NCOA1: variants seen among roughly 807,000 people sequenced by gnomAD.
NCOA1 encodes Hin-2 protein.
NCOA1 carries 35 observed loss-of-function variants against 150.9 expected under a neutral mutation model. The ratio of observed to expected loss-of-function variants is 0.23; its 90% CI spans 0.18 to 0.31. NCOA1 has a LOEUF of 0.31. Among genes scored for constraint, NCOA1 ranks in the 10% least tolerant of loss-of-function variants. The pLI, the probability that NCOA1 is intolerant of heterozygous loss-of-function variation, is 1.00. For missense variants in NCOA1, 1,491 were observed against 1,749.3 expected (o/e 0.85, Z 2.63); for synonymous variants, 590 against 630.0 (o/e 0.94, Z 0.95).
chr2:24,715,266 G>A (rs1486992823), intron 14 of NCOA1, among the ~76,000 whole-genome samples: 1 of 152,188 alleles, frequency 6.6e-6, no homozygotes, highest in Non-Finnish European at 1.5e-5. Flanking sequence ...TTTCTCATTT[G>A]TTAGTTTCTT....
intron 2 of NCOA1, among the ~76,000 whole-genome samples, chr2:24,575,203 T>C (rs951611370): frequency 1.3e-5 from 2 of 152,176 alleles, no homozygotes; most frequent in African/African-American, 4.8e-5. Flanking sequence ...GTGCTTCATT[T>C]TGGAAATCTT....
Position 24,548,229 on chromosome 2 carries a change from C to CA in NCOA1, c.-395-16065dup, listed in dbSNP as rs1161822816. 5.9e-5 allele frequency among the ~76,000 whole-genome samples: 9 copies of CA among 152,238 alleles called. No individual in the cohort carries two copies. The East Asian group carries it at 1.7e-3, about 29-fold the overall frequency. On this transcript the variant is annotated intron_variant, in intron 1 of 22. Transcript: ENST00000348332. ...TCATGGTGGAAGGGGAGGAGCAAGT[C>CA]ACGTCTTACATGGATGGCAGAAGGC...
intron 3 of NCOA1, among the ~76,000 whole-genome samples, chr2:24,629,813 C>T (rs12615700): frequency 0.026 from 2,032 of 77,176 alleles, 35 homozygotes; most frequent in East Asian, 0.088. Context: ...AAGTAACATA[C>T]ATACATATAT....
chr2:24,498,343 A>G (rs1328876178), intron 1 of NCOA1, among the ~76,000 whole-genome samples: 1 of 152,232 alleles, frequency 6.6e-6, no homozygotes, highest in Non-Finnish European at 1.5e-5. Context: ...GATAAAATAT[A>G]GATCCTGTTC....
In NCOA1 at chr2:24,644,532, C is replaced by T. The variant is rs79197224; in HGVS notation, c.-18+410C>T. Among the ~76,000 whole-genome samples, 331 of 151,044 alleles carry T rather than the reference C, an allele frequency of 2.2e-3. 2 individuals are homozygous for T. Among genetic ancestry groups the T allele is most frequent in the Non-Finnish European group, 3.4e-3 (231 of 67,704 alleles). Reference sequence around the variant, plus strand: ...AATATATAGGTAATTGTAGGTATACCCATATAATATATACCTATGTAATTT... The same window carrying T: ...AATATATAGGTAATTGTAGGTATACTCATATAATATATACCTATGTAATTT... On this transcript the variant is annotated intron_variant, in intron 4 of 22. Coordinates refer to ENST00000348332, the MANE Select transcript of NCOA1 (RefSeq NM_003743.5).
intron 3 of NCOA1, among the ~76,000 whole-genome samples, chr2:24,585,716 A>G (rs558966302): frequency 6.6e-6 from 1 of 152,298 alleles, no homozygotes; most frequent in Non-Finnish European, 1.5e-5. Flanking sequence ...ATTTTTACCA[A>G]GATTTCAAAG....
chr2:24,679,477 T>C, intron 7 of NCOA1, among the ~76,000 whole-genome samples: 1 of 152,220 alleles, frequency 6.6e-6, no homozygotes, highest in East Asian at 1.9e-4. Context: ...GGTCTTCCAC[T>C]ATCAACCTCA....
chr2:24,719,438 A>G (rs1674245903), intron 14 of NCOA1, among the ~76,000 whole-genome samples: 1 of 146,824 alleles, frequency 6.8e-6, no homozygotes, highest in Non-Finnish European at 1.5e-5. Flanking sequence ...GGTGCATTTT[A>G]TTGTATGTAA....
chr2:24,526,714 CAA>C lies in NCOA1; in HGVS notation c.-396+35123_-396+35124del, dbSNP rs11337079. On this transcript the variant is annotated intron_variant, in intron 1 of 22. Coordinates refer to ENST00000348332, the MANE Select transcript of NCOA1 (RefSeq NM_003743.5). ...TTGTGACAAGAGCGAGACCCTTTCTCAAAAAAAAAAAATTAATAAATTCTGTT... is the reference window on the plus strand; with the variant it reads ...TTGTGACAAGAGCGAGACCCTTTCTCAAAAAAAAAATTAATAAATTCTGTT... Among the ~76,000 whole-genome samples, 27 of 145,748 alleles carry C rather than the reference CAA, an allele frequency of 1.9e-4. No homozygotes were observed. In the South Asian group the frequency reaches 2.2e-3, roughly 12 times the overall value.
At chr2:24,672,497 C>T (rs55657952) in intron 6 of NCOA1, among the ~76,000 whole-genome samples, 289 of 152,190 alleles carry the variant, frequency 1.9e-3, no homozygotes, top group African/African-American at 5.8e-3. Context: ...TGGGCTTAAG[C>T]GATCCTCCTA....
At chr2:24,594,603 G>A (rs1667813075) in intron 3 of NCOA1, among the ~76,000 whole-genome samples, 1 of 152,098 alleles carries the variant, frequency 6.6e-6, no homozygotes, top group Non-Finnish European at 1.5e-5. Flanking sequence ...TTGTTGTGCA[G>A]ATGGTTTATA....
At chr2:24,603,709 T>G (rs568135630) in intron 3 of NCOA1, among the ~76,000 whole-genome samples, 1 of 152,214 alleles carries the variant, frequency 6.6e-6, no homozygotes, top group Non-Finnish European at 1.5e-5. Flanking sequence ...GTTCTCTTGC[T>G]GTTTTTACCA....
chr2:24,572,448 A>G (rs931714633), intron 2 of NCOA1, among the ~76,000 whole-genome samples: 14 of 152,178 alleles, frequency 9.2e-5, no homozygotes, highest in African/African-American at 3.4e-4. Context: ...TCTTTAGCCA[A>G]TTGCAAAGGA....
chr2:24,704,364 C>A (rs767801834), intron 11 of NCOA1, among the ~76,000 whole-genome samples: 40 of 151,790 alleles, frequency 2.6e-4, no homozygotes, highest in Admixed American at 7.2e-4. Context: ...TAAAAAAAAA[C>A]CAGCAAAAGA....
chr2:24,639,904 G>GGA (rs1670105242), intron 3 of NCOA1, among the ~76,000 whole-genome samples: 3 of 49,582 alleles, frequency 6.1e-5, no homozygotes, highest in Non-Finnish European at 8.2e-5. Flanking sequence ...AAAAAAAAAA[G>GGA]TATGTGTGTG....
chr2:24,729,872 C>G, intron 17 of NCOA1, 57 bp downstream of exon 17: 4 of 1,047,150 alleles, frequency 3.8e-6, no homozygotes, highest in Non-Finnish European at 4.9e-6. Flanking sequence ...GAAGTCTCAC[C>G]TGTCACCAGG....
chr2:24,667,647 G>A (rs1170196616), intron 6 of NCOA1, among the ~76,000 whole-genome samples: 1 of 152,126 alleles, frequency 6.6e-6, no homozygotes, highest in African/African-American at 2.4e-5. Context: ...ATAGCTTTTG[G>A]AACTTAGAAA....
chr2:24,596,202 A>G (rs1667878743), intron 3 of NCOA1, among the ~76,000 whole-genome samples: 1 of 152,212 alleles, frequency 6.6e-6, no homozygotes, highest in Non-Finnish European at 1.5e-5. Context: ...TGGCATCTGT[A>G]AAAATGGAGG....
In NCOA1 at chr2:24,576,149, G is replaced by GTTTTTTT. The variant is rs1183405187; in HGVS notation, c.-259-8320_-259-8314dup. ...GAGTTTCAGAAATTATTTGGCCTTTGTTTTTTTTTTTTTGTTTTTTGTTTT... is the reference window on the plus strand; with the variant it reads ...GAGTTTCAGAAATTATTTGGCCTTTGTTTTTTTTTTTTTTTTTTTTGTTTTTTGTTTT... On this transcript the variant is annotated intron_variant, in intron 2 of 22. Transcript: ENST00000348332. 2.7e-3 allele frequency among the ~76,000 whole-genome samples: 255 copies of GTTTTTTT among 93,912 alleles called. 10 individuals are homozygous for GTTTTTTT. Among genetic ancestry groups the GTTTTTTT allele is most frequent in the Non-Finnish European group, 3.2e-3 (157 of 48,822 alleles). 61.6% of individuals were successfully genotyped at this position (93,912 alleles called of 152,430 possible).
Sources: allele counts gnomAD v4.1 joint callset (sites outside exome capture counted in the v4.1 genomes callset), GRCh38; gene constraint gnomAD v4.1.1; transcripts MANE v1.5; gene names NCBI Gene and HGNC (gene_info 2026-07-23, HGNC 2026-07-21).